The following TSPAN18 variants were observed in gnomAD, a reference collection of about 807,000 sequenced individuals.
The protein encoded by TSPAN18 is tetraspanin-18.
A neutral mutation model predicts 27.3 loss-of-function variants in TSPAN18; 14 were observed. That is an observed-to-expected ratio of 0.51 (90% CI 0.34 to 0.80). TSPAN18 has a LOEUF of 0.80. Among genes scored for constraint, TSPAN18 ranks in the 30% least tolerant of loss-of-function variants. The probability of loss-of-function intolerance (pLI) is 0.01; values close to 1 mark genes in which losing one functional copy is unlikely to be tolerated. For missense variants in TSPAN18, 268 were observed against 323.9 expected, an observed-to-expected ratio of 0.83 and a Z score of 1.32; for synonymous variants, 143 against 136.5, an observed-to-expected ratio of 1.05 and a Z score of -0.33.
At chr11:44,788,731 G>GCCAC (rs1054717425) in intron 2 of TSPAN18, among the ~76,000 whole-genome samples, 4 of 152,164 alleles carry the variant, frequency 2.6e-5, no homozygotes, top group African/African-American at 9.7e-5. Context: ...ACAGACTTGA[G>GCCAC]CCACCGCACC....
intron 1 of TSPAN18, among the ~76,000 whole-genome samples, chr11:44,759,362 G>A (rs73448580): frequency 0.027 from 4,096 of 152,244 alleles, 154 homozygotes; most frequent in East Asian, 0.081. Flanking sequence ...GTTTGACGAC[G>A]TGGTCTCTCC....
chr11:44,823,244 C>T (rs1015292493), intron 2 of TSPAN18, among the ~76,000 whole-genome samples: 55 of 152,268 alleles, frequency 3.6e-4, no homozygotes, highest in African/African-American at 1.3e-3. Flanking sequence ...TAGCTTGTAC[C>T]CACATTTGGT....
chr11:44,903,131 T>C (rs1005675430), intron 3 of TSPAN18, among the ~76,000 whole-genome samples: 2 of 151,360 alleles, frequency 1.3e-5, no homozygotes, highest in African/African-American at 4.9e-5. Flanking sequence ...GGGGCAGTGG[T>C]AGATGTCAGC....
chr11:44,905,885 G>T (rs141709746), intron 3 of TSPAN18, among the ~76,000 whole-genome samples: 5 of 152,128 alleles, frequency 3.3e-5, no homozygotes, highest in Non-Finnish European at 5.9e-5. Flanking sequence ...ACCCCATCTC[G>T]CTGGCACCAA....
At chr11:44,855,981 C>G (rs1857727011) in intron 2 of TSPAN18, among the ~76,000 whole-genome samples, 2 of 151,954 alleles carry the variant, frequency 1.3e-5, no homozygotes, top group East Asian at 1.9e-4. Flanking sequence ...CTCCCAGGTT[C>G]AAGTGATTCT....
intron 2 of TSPAN18, among the ~76,000 whole-genome samples, chr11:44,801,356 G>A (rs1401752099): frequency 3.3e-5 from 5 of 152,148 alleles, no homozygotes; most frequent in Admixed American, 1.3e-4. Context: ...TTACTCTAAC[G>A]TGAGGTTCTT....
intron 3 of TSPAN18, among the ~76,000 whole-genome samples, chr11:44,880,565 T>G (rs1858462585): frequency 6.6e-6 from 1 of 152,212 alleles, no homozygotes; most frequent in Non-Finnish European, 1.5e-5. Flanking sequence ...GATAGTCCCC[T>G]CTGAACCACA....
At chr11:44,919,125 A>C in intron 6 of TSPAN18, 89 bp from the exon 7 acceptor site, 2 of 1,070,748 alleles carry the variant, frequency 1.9e-6, no homozygotes, top group South Asian at 2.5e-5. Flanking sequence ...CATTCCCCCA[A>C]CTCCCAAGCA....
intron 1 of TSPAN18, among the ~76,000 whole-genome samples, chr11:44,751,572 G>A (rs1476194695): frequency 3.3e-5 from 5 of 152,156 alleles, no homozygotes; most frequent in Non-Finnish European, 1.5e-5. Flanking sequence ...AGAAGGGAGT[G>A]CGATTGTTTC....
intron 6 of TSPAN18, among the ~76,000 whole-genome samples, chr11:44,918,641 C>T (rs1425646237): frequency 1.3e-5 from 2 of 151,942 alleles, no homozygotes; most frequent in Non-Finnish European, 2.9e-5. Context: ...GTAGCCAGCA[C>T]GGAGCAGAGG....
intron 3 of TSPAN18, among the ~76,000 whole-genome samples, chr11:44,880,373 A>G (rs1858456423): frequency 6.6e-6 from 1 of 151,056 alleles, no homozygotes; most frequent in Non-Finnish European, 1.5e-5. Flanking sequence ...AGCCTCTCCC[A>G]AGCTGCATAA....
chr11:44,782,242 T>C (rs969603603), intron 2 of TSPAN18, among the ~76,000 whole-genome samples: 30 of 152,212 alleles, frequency 2.0e-4, no homozygotes, highest in Admixed American at 1.4e-3. Context: ...GGTAGGTGTA[T>C]GTATAACTTA....
At chr11:44,865,709 C>T (rs1421200258) in intron 3 of TSPAN18, among the ~76,000 whole-genome samples, 1 of 152,134 alleles carries the variant, frequency 6.6e-6, no homozygotes, top group South Asian at 2.1e-4. Flanking sequence ...GGACAGGGGA[C>T]AGCTATGCAG....
intron 3 of TSPAN18, among the ~76,000 whole-genome samples, chr11:44,893,360 C>A (rs997224222): frequency 9.2e-5 from 14 of 152,224 alleles, no homozygotes; most frequent in African/African-American, 3.4e-4. Context: ...AAGGCACCCG[C>A]CCCTCAGGAG....
intron 3 of TSPAN18, among the ~76,000 whole-genome samples, chr11:44,869,984 G>A (rs7110933): frequency 9.3e-6 from 1 of 107,124 alleles, no homozygotes; most frequent in Non-Finnish European, 1.9e-5. Context: ...TCAGGCCTCA[G>A]CCCGCAGTGC....
At chr11:44,829,342 C>A (rs12795061) in intron 2 of TSPAN18, among the ~76,000 whole-genome samples, 26,974 of 152,168 alleles carry the variant, frequency 0.18, 3,181 homozygotes, top group Non-Finnish European at 0.27. Flanking sequence ...CTAACCTTCC[C>A]TCCCTTCCTT....
At chr11:44,905,671 C>T (rs924628075) in intron 3 of TSPAN18, among the ~76,000 whole-genome samples, 2 of 152,190 alleles carry the variant, frequency 1.3e-5, no homozygotes, top group African/African-American at 4.8e-5. Flanking sequence ...TGGCAAGCAG[C>T]GGATGCTCAA....
At chr11:44,865,349 A>G (rs145493904) in intron 3 of TSPAN18, among the ~76,000 whole-genome samples, 317 of 152,312 alleles carry the variant, frequency 2.1e-3, no homozygotes, top group Non-Finnish European at 3.6e-3. Context: ...TTAAATAATG[A>G]GTGTTAAAAC....
chr11:44,733,418 C>A (rs547705857), intron 1 of TSPAN18, among the ~76,000 whole-genome samples: 1 of 152,270 alleles, frequency 6.6e-6, no homozygotes, highest in Non-Finnish European at 1.5e-5. Context: ...GGTGAGTCCA[C>A]GCATGGCAAG....
Sources: gnomAD v4.1 joint callset for allele counts (sites outside exome capture counted in the v4.1 genomes callset) on GRCh38, gnomAD v4.1.1 for gene constraint, MANE v1.5 for transcripts, NCBI Gene and HGNC (gene_info 2026-07-23, HGNC 2026-07-21) for gene names.